Variants in CFAP68 observed in about 807,000 individuals in gnomAD.
CFAP68 encodes the protein cilia and flagella associated protein 68, also known as cilia- and flagella-associated protein 68.
chr11:111,880,788 C>G, the CFAP68 span: 5 of 456,222 alleles, frequency 1.1e-5, no homozygotes, highest in South Asian at 7.7e-5. Context: ...CTCTTGGGGT[C>G]TGGATCAGGA....
At chr11:111,883,328 A>C in the CFAP68 span, 1 of 779,046 alleles carries the variant, frequency 1.3e-6, no homozygotes. Context: ...AGTGGCTCAC[A>C]CCTGTAACCC....
At chr11:111,882,618 T>C in the CFAP68 span, 2 of 1,522,138 alleles carry the variant, frequency 1.3e-6, no homozygotes, top group South Asian at 1.3e-5. Context: ...CTTTGTCTTT[T>C]TTGTTTGTTT....
the CFAP68 span, among the ~76,000 whole-genome samples, chr11:111,880,436 A>G: frequency 1.3e-5 from 2 of 152,192 alleles, no homozygotes; most frequent in African/African-American, 2.4e-5. Flanking sequence ...GGTCATAAAG[A>G]CCTTGCTGAT....
chr11:111,883,196 A>G, the CFAP68 span: 37 of 1,571,384 alleles, frequency 2.4e-5, no homozygotes, highest in Admixed American at 5.5e-5. Flanking sequence ...GCCACTTTCA[A>G]CACATAGTAC....
the CFAP68 span, chr11:111,879,681 G>A: frequency 2.0e-6 from 3 of 1,500,174 alleles, no homozygotes; most frequent in African/African-American, 4.1e-5. Flanking sequence ...CACTGTGAGG[G>A]TGGTTACGAT....
At chr11:111,879,602 C>G in the CFAP68 span, 1 of 1,613,660 alleles carries the variant, frequency 6.2e-7, no homozygotes, top group Non-Finnish European at 8.5e-7. Context: ...AATTTCTCTT[C>G]CAGGTGCTTA....
At chr11:111,883,751 C>CTTTTTTTTTTTT in the CFAP68 span, 1 of 1,513,310 alleles carries the variant, frequency 6.6e-7, no homozygotes, top group Non-Finnish European at 9.1e-7. Context: ...TCTTTCCTTC[C>CTTTTTTTTTTTT]TTTTTTTTTC....
the CFAP68 span, among the ~76,000 whole-genome samples, chr11:111,880,369 TC>T: frequency 1.3e-5 from 2 of 152,190 alleles, no homozygotes; most frequent in Non-Finnish European, 2.9e-5. Context: ...TGGGCTGCAT[TC>T]CCAGTAAGTT....
At chr11:111,885,844 T>A in the CFAP68 span, 9 of 152,124 alleles carry the variant, frequency 5.9e-5, no homozygotes, top group Middle Eastern at 3.2e-3. Context: ...ATGTTGTTAC[T>A]CAGTAGTGAG....
chr11:111,883,463 C>G, the CFAP68 span, among the ~76,000 whole-genome samples: 2 of 152,018 alleles, frequency 1.3e-5, no homozygotes, highest in South Asian at 4.1e-4. Context: ...CTTGGTGGCG[C>G]ATGCCTGTAG....
At chr11:111,883,988 G>A in the CFAP68 span, 2 of 786,744 alleles carry the variant, frequency 2.5e-6, no homozygotes, top group South Asian at 3.7e-5. Flanking sequence ...AAATGTAGGA[G>A]GGAGCACATT....
At chr11:111,880,304 T>A in the CFAP68 span, among the ~76,000 whole-genome samples, 1 of 152,194 alleles carries the variant, frequency 6.6e-6, no homozygotes, top group East Asian at 1.9e-4. Context: ...GTCAGAGGTA[T>A]TTATACCAGA....
the CFAP68 span, chr11:111,885,610 G>T: frequency 2.0e-5 from 3 of 152,138 alleles, no homozygotes; most frequent in African/African-American, 7.2e-5. Flanking sequence ...AATAGCTTAG[G>T]TTTGGTAAAC....
the CFAP68 span, chr11:111,881,117 G>C: frequency 1.1e-6 from 1 of 932,744 alleles, no homozygotes; most frequent in African/African-American, 1.7e-5. Context: ...AAGACTTAGT[G>C]ACTGGATGAA....
the CFAP68 span, chr11:111,879,679 G>T: frequency 1.3e-6 from 2 of 1,502,056 alleles, no homozygotes; most frequent in Non-Finnish European, 1.9e-6. Context: ...GCCACTGTGA[G>T]GGTGGTTACG....
At chr11:111,883,752 T>C in the CFAP68 span, 379 of 1,499,996 alleles carry the variant, frequency 2.5e-4, 2 homozygotes, top group East Asian at 2.9e-3. Context: ...CTTTCCTTCC[T>C]TTTTTTTTCT....
chr11:111,882,986 A>G, the CFAP68 span: 2 of 700,102 alleles, frequency 2.9e-6, no homozygotes, highest in Admixed American at 2.8e-5. Flanking sequence ...CGTACAAAAC[A>G]TGTGAAAGTT....
chr11:111,879,653 G>T, the CFAP68 span: 5 of 1,582,206 alleles, frequency 3.2e-6, no homozygotes, highest in East Asian at 1.1e-4. Flanking sequence ...AGTATTGAGT[G>T]TCTATTGCGT....
At chr11:111,879,541 C>G in the CFAP68 span, 16 of 1,613,866 alleles carry the variant, frequency 9.9e-6, no homozygotes, top group Non-Finnish European at 1.4e-5. Context: ...GGTTTTGAAC[C>G]TTTTTTCACC....
Sources: gnomAD v4.1 joint callset for allele counts (sites outside exome capture counted in the v4.1 genomes callset) on GRCh38, gnomAD v4.1.1 for gene constraint, MANE v1.5 for transcripts, NCBI Gene and HGNC (gene_info 2026-07-23, HGNC 2026-07-21) for gene names.